The following ARHGEF18 variants were observed in gnomAD, a reference collection of about 807,000 sequenced individuals.
ARHGEF18 encodes rho guanine nucleotide exchange factor 18.
ARHGEF18 carries 93 observed loss-of-function variants against 155.7 expected under a neutral mutation model. That is an observed-to-expected ratio of 0.60 (90% CI 0.50 to 0.71). The LOEUF (loss-of-function observed/expected upper bound fraction) is 0.71, where lower values mean the gene tolerates loss of function less well. Ranked by LOEUF, ARHGEF18 falls within the 30% of genes least tolerant of loss-of-function variation. The pLI is 0.00. For missense variants in ARHGEF18, 1,593 were observed against 1,816.1 expected, an observed-to-expected ratio of 0.88 and a Z score of 2.23; for synonymous variants, 742 against 753.1, an observed-to-expected ratio of 0.99 and a Z score of 0.24.
intron 1 of ARHGEF18, among the ~76,000 whole-genome samples, chr19:7,361,762 G>A (rs527977690): frequency 2.6e-5 from 4 of 152,166 alleles, no homozygotes; most frequent in African/African-American, 9.6e-5. Flanking sequence ...GGAGGCTGAG[G>A]CATGCAGATC....
intron 1 of ARHGEF18, among the ~76,000 whole-genome samples, chr19:7,356,903 T>A (rs1468002987): frequency 6.6e-6 from 1 of 152,076 alleles, no homozygotes; most frequent in African/African-American, 2.4e-5. Flanking sequence ...CCACTGACCC[T>A]CCTTGAAGGC....
At chr19:7,380,519 A>G (rs570152644) in intron 7 of ARHGEF18, among the ~76,000 whole-genome samples, 17 of 150,452 alleles carry the variant, frequency 1.1e-4, no homozygotes, top group African/African-American at 3.9e-4. Context: ...TACTTGGTTA[A>G]AAAAAAAATT....
chr19:7,466,664 C>T (rs185016750), intron 23 of ARHGEF18, among the ~76,000 whole-genome samples: 18 of 151,674 alleles, frequency 1.2e-4, no homozygotes, highest in African/African-American at 2.7e-4. Flanking sequence ...ATTAGCCAGG[C>T]GTGGAGGCTT....
chr19:7,381,949 C>T (rs1256915221), intron 8 of ARHGEF18, among the ~76,000 whole-genome samples: 3 of 152,130 alleles, frequency 2.0e-5, no homozygotes, highest in Admixed American at 6.6e-5. Flanking sequence ...GGAGGAATGG[C>T]GTCTCCGCCC....
chr19:7,386,523 C>T (rs993628949), intron 10 of ARHGEF18, among the ~76,000 whole-genome samples: 2 of 151,942 alleles, frequency 1.3e-5, no homozygotes, highest in African/African-American at 2.4e-5. Flanking sequence ...ATAGCCTCTC[C>T]GAATTGGTGA....
Position 7,468,903 on chromosome 19 carries a change from G to A in ARHGEF18, c.3559G>A (p.Val1187Met), listed in dbSNP as rs754464153. 32 of 1,575,464 alleles carry A rather than the reference G, an allele frequency of 2.0e-5. No homozygotes were observed. Among genetic ancestry groups the A allele is most frequent in the East Asian group, 4.7e-5 (2 of 42,406 alleles). The change falls in exon 27 of 29, where the codon GTG becomes ATG. Residue 1187 changes from valine (V) to methionine (M), a missense_variant. Coordinates refer to ENST00000668164, the MANE Select transcript of ARHGEF18 (RefSeq NM_001367823.1). ...TCGTGTGAGCATGCTGCCATCCGGC[G>A]TGGGGCCAGAGTACGCAGAGCGCCC... is the stretch of plus-strand genomic sequence containing the variant. The part of the protein sequence containing the change: ...GPRVSMLPSG[V>M]GPEYAERPEV...
downstream of ARHGEF18, among the ~76,000 whole-genome samples, chr19:7,472,670 GTTTTGT>G (rs1180246410): frequency 1.3e-4 from 20 of 152,094 alleles, no homozygotes; most frequent in Admixed American, 1.1e-3. Context: ...GTTGTTGGGG[GTTTTGT>G]TTTTGTTTTT....
At chr19:7,451,014 T>A in intron 15 of ARHGEF18, 135 bp from the exon 16 acceptor site, 1 of 806,338 alleles carries the variant, frequency 1.2e-6, no homozygotes, top group African/African-American at 1.7e-5. Context: ...ATTTCCGAGA[T>A]GTTAATATGG....
chr19:7,453,060 A>T (rs1048303856), intron 16 of ARHGEF18, among the ~76,000 whole-genome samples: 1 of 151,912 alleles, frequency 6.6e-6, no homozygotes, highest in Non-Finnish European at 1.5e-5. Flanking sequence ...ATAGCTGGGC[A>T]TGGTGGCGGG....
intron 10 of ARHGEF18, among the ~76,000 whole-genome samples, chr19:7,424,440 C>T (rs866643095): frequency 1.4e-4 from 21 of 152,256 alleles, no homozygotes; most frequent in Admixed American, 4.6e-4. Context: ...GTAACCTTTG[C>T]GTCCAAAATC....
rs921315369 is a variant in ARHGEF18, at chr19:7,395,165, G to C, written c.967+11962G>C. 1.7e-4 allele frequency: 163 copies of C among 985,880 alleles called. No individual in the cohort carries two copies. The highest frequency in any genetic ancestry group is 5.5e-4 in the Admixed American group (9 of 16,282). The allele number at this position is 985,880 out of a possible 1,614,324, so 61.1% of individuals were successfully genotyped here. ...CAGCTGCTAGCTACTGTGGATCTGG[G>C]GGGGCCGGACGGAGGCATCGGAGGC... On this transcript the variant is annotated intron_variant, in intron 10 of 28. Transcript: ENST00000668164. The surrounding 1 kb of genome is among the most constrained non-coding windows in gnomAD (Gnocchi z 5.0).
At chr19:7,447,463 C>T (rs935968759) in intron 15 of ARHGEF18, among the ~76,000 whole-genome samples, 13 of 151,202 alleles carry the variant, frequency 8.6e-5, no homozygotes, top group African/African-American at 3.2e-4. Context: ...CCACTGCACT[C>T]GAGCCTGGCA....
chr19:7,467,507 G>T lies in ARHGEF18; in HGVS notation c.3303G>T (p.Arg1101=). The change falls in exon 26 of 29, where the codon CGG becomes CGT. Residue 1101 remains arginine, a synonymous_variant. Transcript: ENST00000668164. ...GCGAGGCGCGGCAGCTACGCGAGCGGCTGGAGCAGGAGCGGGCCGAGCTGG... is the reference window on the plus strand; with the variant it reads ...GCGAGGCGCGGCAGCTACGCGAGCGTCTGGAGCAGGAGCGGGCCGAGCTGG... The part of the protein sequence containing the change: ...REGEARQLRE[R]LEQERAELER... 2 of 1,432,588 alleles carry T rather than the reference G, an allele frequency of 1.4e-6. No individual in the cohort carries two copies. Among genetic ancestry groups the T allele is most frequent in the Non-Finnish European group, 1.8e-6 (2 of 1,105,326 alleles). The allele number at this position is 1,432,588 out of a possible 1,614,324, so 88.7% of individuals were successfully genotyped here. A position where few individuals can be genotyped will look rare whatever the true frequency, so the allele number is the denominator to read the frequency against.
intron 10 of ARHGEF18, among the ~76,000 whole-genome samples, chr19:7,426,280 G>C (rs188220019): frequency 1.8e-4 from 27 of 152,214 alleles, no homozygotes; most frequent in African/African-American, 6.5e-4. Flanking sequence ...CTGAGGTTAG[G>C]AGTTGGAGAC....
At chr19:7,385,819 ATCTATCTCTCTCTATCTCTC>A (rs1308381216) in intron 10 of ARHGEF18, among the ~76,000 whole-genome samples, 1 of 89,326 alleles carries the variant, frequency 1.1e-5, no homozygotes, top group Non-Finnish European at 2.0e-5. Context: ...TAGAGATAGG[ATCTATCTCTCTCTATCTCTC>A]TCTCTCTCTC....
chr19:7,367,895 T>A (rs965766719), intron 2 of ARHGEF18, among the ~76,000 whole-genome samples: 2 of 30,958 alleles, frequency 6.5e-5, no homozygotes, highest in Non-Finnish European at 1.1e-4. Context: ...TTATATATAT[T>A]TTTTATATAT....
chr19:7,441,506 G>A (rs1974640754), intron 11 of ARHGEF18, 147 bp from the exon 12 acceptor site: 1 of 647,760 alleles, frequency 1.5e-6, no homozygotes, highest in Non-Finnish European at 2.7e-6. Context: ...AAAATGATCT[G>A]TAGACAAAGT....
intron 10 of ARHGEF18, among the ~76,000 whole-genome samples, chr19:7,406,871 A>G (rs1814338): frequency 0.8 from 120,648 of 150,788 alleles, 48,858 homozygotes; most frequent in African/African-American, 0.92. Flanking sequence ...TGGCTAACAC[A>G]GTGAAACCCC....
chr19:7,459,992 A>C lies in ARHGEF18; in HGVS notation c.2450A>C (p.Gln817Pro). The C allele has an allele frequency of 6.4e-7, 1 of 1,574,204 alleles. No individual in the cohort carries two copies. The highest frequency in any genetic ancestry group is 8.6e-7 in the Non-Finnish European group (1 of 1,159,858). Residue 817 changes from glutamine (Q) to proline (P), a missense_variant and splice_region_variant, in exon 20 of 29, where the codon CAA (glutamine) becomes CCA (proline). Gln to Pro is a moderately conservative substitution (Grantham distance 76). Coordinates refer to ENST00000668164, the MANE Select transcript of ARHGEF18 (RefSeq NM_001367823.1). The stretch of plus-strand genomic sequence containing the variant: ...CGCGCCACGAGACTCCGGGACTTTC[A>C]AGGTGAGCGGGAGACAGCGTCTGGG... ...EARATRLRDF[Q>P]ERLSMKDQLI...
Sources: allele counts gnomAD v4.1 joint callset (sites outside exome capture counted in the v4.1 genomes callset), GRCh38; gene constraint gnomAD v4.1.1; non-coding constraint Gnocchi (gnomAD v3.1); transcripts MANE v1.5; gene names NCBI Gene and HGNC (gene_info 2026-07-23, HGNC 2026-07-21).